The following PDSS1 variants were observed in gnomAD, a reference collection of about 807,000 sequenced individuals.
PDSS1 encodes the protein all trans-polyprenyl-diphosphate synthase PDSS1.
PDSS1 carries 43 observed loss-of-function variants against 57.5 expected under a neutral mutation model. The observed-to-expected ratio is 0.75, with a 90% CI of 0.59 to 0.96. PDSS1 has a LOEUF of 0.96. Among genes scored for constraint, PDSS1 ranks in the 50% least tolerant of loss-of-function variants. The pLI, the probability that PDSS1 is intolerant of heterozygous loss-of-function variation, is 0.00. For missense variants in PDSS1, 438 were observed against 527.8 expected (o/e 0.83, Z 1.67); for synonymous variants, 175 against 191.3 (o/e 0.91, Z 0.70).
At chr10:26,698,540 T>C (rs962454569) in intron 1 of PDSS1, among the ~76,000 whole-genome samples, 4 of 152,184 alleles carry the variant, frequency 2.6e-5, no homozygotes, top group African/African-American at 9.7e-5. Context: ...CGATCTCCTT[T>C]TTCTCCCTTT....
chr10:26,711,976 A>C lies in PDSS1; in HGVS notation c.467+2208A>C, dbSNP rs1452721853. 5.5e-5 allele frequency among the ~76,000 whole-genome samples: 5 copies of C among 90,600 alleles called. 2 individuals are homozygous for C. Among genetic ancestry groups the C allele is most frequent in the Non-Finnish European group, 7.5e-5 (3 of 39,898 alleles). The allele number at this position is 90,600 out of a possible 152,430, so 59.4% of individuals were successfully genotyped here. A position where few individuals can be genotyped will look rare whatever the true frequency, so the allele number is the denominator to read the frequency against. On this transcript the variant is annotated intron_variant, in intron 5 of 11. Coordinates refer to ENST00000376215, the MANE Select transcript of PDSS1 (RefSeq NM_014317.5). ...AGTACTATCACCCACTGTCCCCATA[A>C]TTGGAAGTTTTTCTTTTTCTTTTTC...
intron 4 of PDSS1, among the ~76,000 whole-genome samples, chr10:26,705,623 G>A (rs775423062): frequency 5.3e-5 from 8 of 152,062 alleles, no homozygotes; most frequent in African/African-American, 9.7e-5. Flanking sequence ...ATAGGCATGC[G>A]CCATCACACC....
chr10:26,707,612 G>C (rs1051411617), intron 4 of PDSS1, among the ~76,000 whole-genome samples: 2 of 151,986 alleles, frequency 1.3e-5, no homozygotes, highest in South Asian at 2.1e-4. Context: ...GCTTTTCTTC[G>C]GTTCATCACC....
intron 10 of PDSS1, among the ~76,000 whole-genome samples, chr10:26,737,922 G>A (rs1260684240): frequency 3.4e-4 from 52 of 152,278 alleles, no homozygotes; most frequent in Non-Finnish European, 1.5e-5. Context: ...GCACATTGCA[G>A]CCTCAGAAAA....
intron 1 of PDSS1, 146 bp downstream of exon 1, chr10:26,697,986 C>A (rs1453244014): frequency 1.4e-6 from 1 of 729,492 alleles, no homozygotes; most frequent in Non-Finnish European, 1.8e-6. Flanking sequence ...GGGTGGGACT[C>A]CGGAGCTGAG....
intron 4 of PDSS1, among the ~76,000 whole-genome samples, chr10:26,707,454 G>A (rs1835270688): frequency 6.6e-6 from 1 of 152,080 alleles, no homozygotes; most frequent in Admixed American, 6.5e-5. Context: ...GGGTCGGGGA[G>A]CCCTCTCCTG....
chr10:26,738,553 G>A (rs1280762068), intron 10 of PDSS1, among the ~76,000 whole-genome samples: 5 of 152,176 alleles, frequency 3.3e-5, no homozygotes, highest in Non-Finnish European at 5.9e-5. Flanking sequence ...CTTTGCTATT[G>A]TAAACAACAT....
At chr10:26,700,582 G>C (rs1225858589) in intron 1 of PDSS1, among the ~76,000 whole-genome samples, 3 of 151,990 alleles carry the variant, frequency 2.0e-5, no homozygotes, top group African/African-American at 7.3e-5. Flanking sequence ...CTCATGATAG[G>C]GAGTTCTCAC....
intron 2 of PDSS1, among the ~76,000 whole-genome samples, chr10:26,703,690 T>C (rs187093614): frequency 4.7e-4 from 72 of 152,272 alleles, no homozygotes; most frequent in African/African-American, 1.7e-3. Context: ...ATCATGAAAG[T>C]TCTTACTGGT....
intron 1 of PDSS1, among the ~76,000 whole-genome samples, chr10:26,699,657 A>G (rs1478705992): frequency 6.6e-6 from 1 of 152,122 alleles, no homozygotes; most frequent in Non-Finnish European, 1.5e-5. Flanking sequence ...TCGGCCTCCC[A>G]AAGTGCGGGG....
intron 6 of PDSS1, among the ~76,000 whole-genome samples, chr10:26,721,469 T>C (rs1835783934): frequency 6.9e-6 from 1 of 144,824 alleles, no homozygotes; most frequent in Admixed American, 6.7e-5. Context: ...TATATGTTTA[T>C]TGTTATCTTC....
chr10:26,727,072 A>C (rs2927921), intron 8 of PDSS1, among the ~76,000 whole-genome samples: 38,153 of 151,390 alleles, frequency 0.25, 5,185 homozygotes, highest in Middle Eastern at 0.34. Flanking sequence ...AAAAAAAACA[A>C]ACAAACCAGA....
intron 1 of PDSS1, chr10:26,701,858 C>T (rs536810630): frequency 4.4e-6 from 2 of 454,692 alleles, no homozygotes; most frequent in Admixed American, 4.7e-5. Flanking sequence ...GGAAAAGCTG[C>T]AGGCACTCAA....
intron 2 of PDSS1, among the ~76,000 whole-genome samples, chr10:26,703,235 G>T (rs1376178407): frequency 6.6e-6 from 1 of 152,186 alleles, no homozygotes; most frequent in African/African-American, 2.4e-5. Context: ...GTGGTAAAAA[G>T]CGTCCCCTGT....
chr10:26,715,201 C>T (rs1835522708), intron 5 of PDSS1: 1 of 152,146 alleles, frequency 6.6e-6, no homozygotes, highest in South Asian at 2.1e-4. Context: ...CTTTGAAGTA[C>T]ATTCTACAGT....
chr10:26,736,073 A>G (rs1337643005), intron 10 of PDSS1, among the ~76,000 whole-genome samples: 1 of 152,222 alleles, frequency 6.6e-6, no homozygotes, highest in Non-Finnish European at 1.5e-5. Flanking sequence ...GAGAGGCTTT[A>G]GAACCTCGGC....
intron 1 of PDSS1, 192 bp from the exon 2 acceptor site, chr10:26,701,970 A>T (rs1213340718): frequency 4.9e-6 from 2 of 408,868 alleles, no homozygotes; most frequent in African/African-American, 4.1e-5. Flanking sequence ...AGTGTGACCT[A>T]GATGTGAGAC....
At chr10:26,729,541 C>T (rs1836091067) in intron 8 of PDSS1, among the ~76,000 whole-genome samples, 1 of 152,178 alleles carries the variant, frequency 6.6e-6, no homozygotes, top group Non-Finnish European at 1.5e-5. Context: ...AGACCTGGCT[C>T]CTCTTCTCCG....
intron 10 of PDSS1, among the ~76,000 whole-genome samples, chr10:26,735,808 G>T (rs548612285): frequency 2.0e-5 from 3 of 152,302 alleles, no homozygotes; most frequent in South Asian, 2.1e-4. Flanking sequence ...CTTTCTCCCA[G>T]GGTGGTTGTG....
Sources: gnomAD v4.1 joint callset for allele counts (sites outside exome capture counted in the v4.1 genomes callset) on GRCh38, gnomAD v4.1.1 for gene constraint, MANE v1.5 for transcripts, NCBI Gene and HGNC (gene_info 2026-07-23, HGNC 2026-07-21) for gene names.